Variants in PTPRD observed in about 807,000 individuals in gnomAD.
PTPRD encodes the protein receptor-type tyrosine-protein phosphatase delta.
Under a neutral mutation model 214.5 loss-of-function variants are expected in PTPRD, and 34 were observed. The observed-to-expected ratio is 0.16, with a 90% CI of 0.12 to 0.21. The LOEUF (loss-of-function observed/expected upper bound fraction) is 0.21, where lower values mean the gene tolerates loss of function less well. Among genes scored for constraint, PTPRD ranks in the 10% least tolerant of loss-of-function variants. The pLI is 1.00. For missense variants in PTPRD, 2,545 were observed against 2,398.7 expected, an observed-to-expected ratio of 1.06 and a Z score of -1.27; for synonymous variants, 1,128 against 845.7, an observed-to-expected ratio of 1.33 and a Z score of -5.79.
chr9:10,454,393 CAAATA>C (rs142776045), intron 2 of PTPRD, among the ~76,000 whole-genome samples: 1,814 of 151,598 alleles, frequency 0.012, 31 homozygotes, highest in African/African-American at 0.039. Context: ...ATCCTTGAGC[CAAATA>C]CATTCCTCAG....
intron 39 of PTPRD, among the ~76,000 whole-genome samples, chr9:8,371,489 A>G (rs1165330511): frequency 6.6e-6 from 1 of 152,010 alleles, no homozygotes; most frequent in Non-Finnish European, 1.5e-5. Context: ...TTCTATGAGA[A>G]TTTACAGAAT....
chr9:9,496,517 TGA>T (rs2096197206), intron 8 of PTPRD, among the ~76,000 whole-genome samples: 1 of 151,822 alleles, frequency 6.6e-6, no homozygotes, highest in Non-Finnish European at 1.5e-5. Flanking sequence ...CAAACTACAA[TGA>T]GATATGGTAA....
At chr9:10,594,207 T>G (rs2076142655) in intron 2 of PTPRD, among the ~76,000 whole-genome samples, 1 of 151,972 alleles carries the variant, frequency 6.6e-6, no homozygotes, top group Admixed American at 6.6e-5. Context: ...ACTTTACTTC[T>G]AGTTTTGAGA....
At chr9:9,581,045 T>G (rs1490501365) in intron 7 of PTPRD, among the ~76,000 whole-genome samples, 1 of 152,106 alleles carries the variant, frequency 6.6e-6, no homozygotes, top group Non-Finnish European at 1.5e-5. Context: ...GGGCTTGCAT[T>G]TTAGTCAATT....
At chr9:10,363,075 G>C (rs867946509) in intron 2 of PTPRD, among the ~76,000 whole-genome samples, 1 of 152,076 alleles carries the variant, frequency 6.6e-6, no homozygotes, top group Non-Finnish European at 1.5e-5. Flanking sequence ...GTTTAGTTTT[G>C]ATTCTCCAGC....
intron 7 of PTPRD, among the ~76,000 whole-genome samples, chr9:9,643,645 G>A (rs553900318): frequency 6.6e-6 from 1 of 151,986 alleles, no homozygotes; most frequent in African/African-American, 2.4e-5. Flanking sequence ...AGAATCAAAC[G>A]AACAAAATCT....
intron 30 of PTPRD, among the ~76,000 whole-genome samples, chr9:8,478,294 T>A (rs574629322): frequency 3.9e-4 from 60 of 152,302 alleles, no homozygotes; most frequent in African/African-American, 1.4e-3. Flanking sequence ...TTCATTAGGC[T>A]GCTAATAGTG....
At chr9:9,830,599 C>T (rs949188324) in intron 5 of PTPRD, among the ~76,000 whole-genome samples, 2 of 151,902 alleles carry the variant, frequency 1.3e-5, no homozygotes, top group South Asian at 4.1e-4. Context: ...GGGAACAGAG[C>T]TTCCTCTTCT....
At chr9:9,560,940 C>G (rs925517802) in intron 8 of PTPRD, among the ~76,000 whole-genome samples, 3 of 152,092 alleles carry the variant, frequency 2.0e-5, no homozygotes, top group Non-Finnish European at 4.4e-5. Context: ...CGAGCTGTGT[C>G]CTGGCTCCCT....
At chr9:9,978,823 A>T (rs2095447206) in intron 4 of PTPRD, among the ~76,000 whole-genome samples, 1 of 152,120 alleles carries the variant, frequency 6.6e-6, no homozygotes, top group African/African-American at 2.4e-5. Flanking sequence ...ACACTGAGAT[A>T]CATCTCAGTC....
At chr9:9,120,311 G>C (rs2154463227) in intron 10 of PTPRD, among the ~76,000 whole-genome samples, 1 of 152,324 alleles carries the variant, frequency 6.6e-6, no homozygotes, top group African/African-American at 2.4e-5. Context: ...CTTGGGAAAT[G>C]CTGAATCAGT....
At chr9:9,916,249 A>G (rs1361559278) in intron 5 of PTPRD, among the ~76,000 whole-genome samples, 1 of 152,048 alleles carries the variant, frequency 6.6e-6, no homozygotes, top group Non-Finnish European at 1.5e-5. Flanking sequence ...CTCTAGAAGT[A>G]AAAAGGTGGT....
intron 11 of PTPRD, among the ~76,000 whole-genome samples, chr9:8,918,495 C>T (rs958889878): frequency 1.3e-5 from 2 of 152,050 alleles, no homozygotes; most frequent in Admixed American, 6.6e-5. Flanking sequence ...TAAATGATAT[C>T]AGACCAAATA....
intron 11 of PTPRD, among the ~76,000 whole-genome samples, chr9:8,862,759 G>C (rs1431810781): frequency 1.3e-5 from 2 of 152,184 alleles, no homozygotes; most frequent in South Asian, 4.1e-4. Flanking sequence ...TTTAAGAAAA[G>C]AAATCCACAT....
chr9:9,995,113 G>A (rs772219486), intron 4 of PTPRD, among the ~76,000 whole-genome samples: 1 of 151,828 alleles, frequency 6.6e-6, no homozygotes, highest in African/African-American at 2.4e-5. Context: ...ACAATTAAAG[G>A]GAAAAATATT....
chr9:10,301,646 G>A (rs2154407217), intron 3 of PTPRD, among the ~76,000 whole-genome samples: 1 of 152,036 alleles, frequency 6.6e-6, no homozygotes, highest in South Asian at 2.1e-4. Flanking sequence ...TAGCCAAACT[G>A]ATCAAGGGGA....
At chr9:9,913,603 C>T (rs1396299001) in intron 5 of PTPRD, among the ~76,000 whole-genome samples, 1 of 152,088 alleles carries the variant, frequency 6.6e-6, no homozygotes, top group Non-Finnish European at 1.5e-5. Context: ...TCTGCAGACC[C>T]ATCTCCCCAA....
intron 5 of PTPRD, among the ~76,000 whole-genome samples, chr9:9,853,631 C>G (rs1279023426): frequency 6.6e-6 from 1 of 151,936 alleles, no homozygotes; most frequent in Non-Finnish European, 1.5e-5. Flanking sequence ...TCGCTGCAAC[C>G]TCTCCCTCCC....
At position 8,507,407 on chromosome 9, in the gene PTPRD, G is replaced by C; in HGVS notation, c.1571C>G (p.Ala524Gly). 6.2e-7 allele frequency: 1 copy of C among 1,613,986 alleles called. No homozygotes were observed. The highest frequency in any genetic ancestry group is 8.5e-7 in the Non-Finnish European group (1 of 1,179,866). Residue 524 changes from alanine (A) to glycine (G), a missense_variant, in exon 22 of 46, where the codon GCA becomes GGA. Ala to Gly is a moderately conservative substitution (Grantham distance 60). Transcript: ENST00000381196. ...AATACTTGTTTCAGACTCAGGTTCT[G>C]CTTTGAAGTTTAGTGGCTGCCCTGG... ...GVPGQPLNFKAEPESETSILL... is the reference protein window; with the variant it reads ...GVPGQPLNFKGEPESETSILL...
Sources: allele counts gnomAD v4.1 joint callset (sites outside exome capture counted in the v4.1 genomes callset), GRCh38; gene constraint gnomAD v4.1.1; transcripts MANE v1.5; gene names NCBI Gene and HGNC (gene_info 2026-07-23, HGNC 2026-07-21).